The following BCAS3 variants were observed in gnomAD, a reference collection of about 807,000 sequenced individuals.
BCAS3 encodes BCAS3 microtubule associated cell migration factor.
Under a neutral mutation model 116.1 loss-of-function variants are expected in BCAS3, and 53 were observed. That is an observed-to-expected ratio of 0.46 (90% CI 0.37 to 0.57). The LOEUF (loss-of-function observed/expected upper bound fraction) is 0.57, where lower values mean the gene tolerates loss of function less well. Ranked by LOEUF, BCAS3 falls within the 20% of genes least tolerant of loss-of-function variation. The pLI is 0.00. For missense variants in BCAS3, 917 were observed against 1,165.4 expected, an observed-to-expected ratio of 0.79 and a Z score of 3.10; for synonymous variants, 391 against 408.2, an observed-to-expected ratio of 0.96 and a Z score of 0.51.
intron 22 of BCAS3, among the ~76,000 whole-genome samples, chr17:61,293,003 A>G (rs2052579914): frequency 2.0e-5 from 3 of 152,210 alleles, no homozygotes; most frequent in Non-Finnish European, 4.4e-5. Flanking sequence ...ATGGGGGGTT[A>G]TTCTTGACAA....
intron 22 of BCAS3, among the ~76,000 whole-genome samples, chr17:61,184,724 C>T (rs1037506794): frequency 7.2e-5 from 11 of 151,920 alleles, no homozygotes; most frequent in East Asian, 1.9e-4. Context: ...CATCAACTGG[C>T]GAAGGGACAG....
intron 7 of BCAS3, among the ~76,000 whole-genome samples, chr17:60,839,345 T>G (rs1469431190): frequency 1.3e-5 from 2 of 152,190 alleles, no homozygotes; most frequent in Non-Finnish European, 2.9e-5. Context: ...TATTATGTCT[T>G]TGCGTCTTAT....
chr17:60,942,147 CG>C (rs1205333616), intron 13 of BCAS3, among the ~76,000 whole-genome samples: 1 of 152,102 alleles, frequency 6.6e-6, no homozygotes, highest in Non-Finnish European at 1.5e-5. Context: ...TGTTTGAGGC[CG>C]GGTGCGGTGG....
rs1469320936 is a variant in BCAS3, at chr17:60,993,658, G to C, written c.1486+3423G>C. On this transcript the variant is annotated intron_variant, in intron 15 of 23. Transcript: ENST00000407086. The surrounding 1 kb of genome is among the most constrained non-coding windows in gnomAD (Gnocchi z 4.2). ...TCTAAAAATGATGTATTTACAGTTTGTGTGGGTAAACAGTCTGATGCTGGT... is the reference window on the plus strand; with the variant it reads ...TCTAAAAATGATGTATTTACAGTTTCTGTGGGTAAACAGTCTGATGCTGGT... Among the ~76,000 whole-genome samples, 1 of 152,076 alleles carries C rather than the reference G, an allele frequency of 6.6e-6. No homozygotes were observed. The highest frequency in any genetic ancestry group is 1.5e-5 in the Non-Finnish European group (1 of 68,002).
chr17:60,703,568 A>C (rs2143957265), intron 4 of BCAS3, among the ~76,000 whole-genome samples: 1 of 151,842 alleles, frequency 6.6e-6, no homozygotes, highest in Non-Finnish European at 1.5e-5. Flanking sequence ...TCTCAAAAAA[A>C]AAAAATTAAT....
In BCAS3 at chr17:61,162,080, A is replaced by G. The variant is rs899948033; in HGVS notation, c.2425+77516A>G. ...TTTGGTTGATAGAATATAAAGTTTGATCTGTATGTGGATGGTTTTACTACC... is the reference window on the plus strand; with the variant it reads ...TTTGGTTGATAGAATATAAAGTTTGGTCTGTATGTGGATGGTTTTACTACC... On this transcript the variant is annotated intron_variant, in intron 22 of 23. Coordinates refer to ENST00000407086, the MANE Select transcript of BCAS3 (RefSeq NM_017679.5). This position sits in a 1 kb window ranked among gnomAD's most constrained non-coding sequence, Gnocchi z 5.6. 6.6e-6 allele frequency among the ~76,000 whole-genome samples: 1 copy of G among 152,280 alleles called. No individual in the cohort carries two copies.
intron 22 of BCAS3, among the ~76,000 whole-genome samples, chr17:61,260,533 C>G (rs1275921772): frequency 6.6e-6 from 1 of 152,224 alleles, no homozygotes; most frequent in African/African-American, 2.4e-5. Flanking sequence ...AGGCTGACAA[C>G]TCTCTTCCTG....
chr17:60,734,884 G>C (rs1293659310), intron 5 of BCAS3, among the ~76,000 whole-genome samples: 1 of 152,082 alleles, frequency 6.6e-6, no homozygotes, highest in African/African-American at 2.4e-5. Flanking sequence ...TTTTGATTGG[G>C]ATTACATTGA....
At chr17:61,320,079 A>C (rs1471178607) in intron 22 of BCAS3, among the ~76,000 whole-genome samples, 2 of 151,298 alleles carry the variant, frequency 1.3e-5, no homozygotes, top group African/African-American at 4.9e-5. Context: ...TAGTAGAGAC[A>C]GGGTTTTGCT....
At chr17:61,025,104 G>A (rs917597696) in intron 16 of BCAS3, among the ~76,000 whole-genome samples, 6 of 152,042 alleles carry the variant, frequency 3.9e-5, no homozygotes, top group Admixed American at 6.6e-5. Context: ...TAGAAATGGC[G>A]TGAACCATTC....
intron 14 of BCAS3, among the ~76,000 whole-genome samples, chr17:60,979,365 C>T (rs578232449): frequency 0.021 from 3,079 of 148,248 alleles, 43 homozygotes; most frequent in Middle Eastern, 0.066. Flanking sequence ...TATCCTGAGA[C>T]TTTGCTGAAG....
intron 5 of BCAS3, among the ~76,000 whole-genome samples, chr17:60,730,943 G>A (rs1209895052): frequency 6.6e-6 from 1 of 152,060 alleles, no homozygotes; most frequent in African/African-American, 2.4e-5. Context: ...TAGTTACTGT[G>A]GCCACTCATG....
intron 22 of BCAS3, among the ~76,000 whole-genome samples, chr17:61,206,836 A>AG (rs1240803235): frequency 6.8e-6 from 1 of 146,794 alleles, no homozygotes; most frequent in Non-Finnish European, 1.5e-5. Context: ...AAAATTGTGA[A>AG]GGGGGAATCC....
At chr17:61,305,725 G>C (rs4643395) in intron 22 of BCAS3, among the ~76,000 whole-genome samples, 1 of 151,884 alleles carries the variant, frequency 6.6e-6, no homozygotes, top group African/African-American at 2.4e-5. Flanking sequence ...GTGAAACCCC[G>C]TCTCTACTAA....
chr17:61,050,388 T>C (rs2143185114), intron 19 of BCAS3, among the ~76,000 whole-genome samples: 1 of 152,120 alleles, frequency 6.6e-6, no homozygotes, highest in East Asian at 1.9e-4. Context: ...TAATATATAC[T>C]GTGTGTGTAC....
rs563705591 is a variant in BCAS3, at chr17:61,028,471, G to A, written c.1638-6195G>A. Among the ~76,000 whole-genome samples the A allele has an allele frequency of 9.2e-5, 14 of 151,944 alleles. No homozygotes were observed. The highest frequency in any genetic ancestry group is 3.1e-4 in the African/African-American group (13 of 41,548). Reference sequence around the variant, plus strand: ...ATTTTAAATGCCACATTCAACATATGACAAAATTTCTTTGTAAACTTAGAA... The same window carrying A: ...ATTTTAAATGCCACATTCAACATATAACAAAATTTCTTTGTAAACTTAGAA... On this transcript the variant is annotated intron_variant, in intron 16 of 23. Transcript: ENST00000407086. This position sits in a 1 kb window ranked among gnomAD's most constrained non-coding sequence, Gnocchi z 4.3.
chr17:61,026,854 T>C lies in BCAS3; in HGVS notation c.1638-7812T>C, dbSNP rs745717758. ...CTAATTTTTTGTGCATTTTTCCCCC[T>C]TTTCCATGAAGGCCTTATCTCTTTG... On this transcript the variant is annotated intron_variant, in intron 16 of 23. Transcript: ENST00000407086. This position sits in a 1 kb window ranked among gnomAD's most constrained non-coding sequence, Gnocchi z 5.0. The C allele has an allele frequency of 3.2e-5, 51 of 1,591,734 alleles. No individual in the cohort carries two copies. Among genetic ancestry groups the C allele is most frequent in the Non-Finnish European group, 4.1e-5 (48 of 1,167,460 alleles).
chr17:61,298,248 A>T (rs1200679731), intron 22 of BCAS3, among the ~76,000 whole-genome samples: 1 of 152,050 alleles, frequency 6.6e-6, no homozygotes, highest in Non-Finnish European at 1.5e-5. Flanking sequence ...TTCCCAACAC[A>T]CTTTTATGCC....
intron 7 of BCAS3, chr17:60,851,429 G>T (rs938348008): frequency 4.5e-6 from 2 of 444,774 alleles, no homozygotes; most frequent in Admixed American, 5.6e-5. Context: ...CCAAGGAAGA[G>T]GCCAAGAGGA....
Sources: allele counts gnomAD v4.1 joint callset (sites outside exome capture counted in the v4.1 genomes callset), GRCh38; gene constraint gnomAD v4.1.1; non-coding constraint Gnocchi (gnomAD v3.1); transcripts MANE v1.5; gene names NCBI Gene and HGNC (gene_info 2026-07-23, HGNC 2026-07-21).